The following ABCG8 variants were observed in gnomAD, a reference collection of about 807,000 sequenced individuals.
The protein encoded by ABCG8 is ATP-binding cassette sub-family G member 8.
A neutral mutation model predicts 71.3 loss-of-function variants in ABCG8; 81 were observed. The ratio of observed to expected loss-of-function variants is 1.14; its 90% CI spans 0.95 to 1.37. The LOEUF (loss-of-function observed/expected upper bound fraction) is 1.37. Among genes scored for constraint, ABCG8 ranks in the 40% most tolerant of loss-of-function variants. The pLI, the probability that ABCG8 is intolerant of heterozygous loss-of-function variation, is 0.00. For missense variants in ABCG8, 1,119 were observed against 866.2 expected (o/e 1.29, Z -3.66); for synonymous variants, 451 against 354.7 (o/e 1.27, Z -3.05).
rs558635043 is a variant in ABCG8, at chr2:43,875,225, C to T, written c.1568C>T (p.Pro523Leu). 564 of 1,614,250 alleles carry T rather than the reference C, an allele frequency of 3.5e-4. 3 individuals are homozygous for T. The South Asian group carries it at 5.8e-3, about 17-fold the overall frequency. The change falls in exon 11 of 13, where the codon CCA becomes CTA. Residue 523 changes from proline (P) to leucine (L), a missense_variant. By Grantham distance (98) the Pro-to-Leu change is moderately conservative. Transcript: ENST00000272286. ...MPTYWLANLRPGLQPFLLHFL... is the reference protein window; with the variant it reads ...MPTYWLANLRLGLQPFLLHFL... ...ACCTACTGGCTGGCCAACCTGAGGCCAGGCCTCCAGCCCTTCCTGCTGCAC... is the reference window on the plus strand; with the variant it reads ...ACCTACTGGCTGGCCAACCTGAGGCTAGGCCTCCAGCCCTTCCTGCTGCAC...
At chr2:43,854,055 G>A (rs1368442349) in intron 6 of ABCG8, among the ~76,000 whole-genome samples, 1 of 152,230 alleles carries the variant, frequency 6.6e-6, no homozygotes, top group Non-Finnish European at 1.5e-5. Context: ...TGGCCATCGG[G>A]GAATAATTTA....
At chr2:43,875,474 C>T in intron 11 of ABCG8, 61 bp downstream of exon 11, 2 of 1,569,748 alleles carry the variant, frequency 1.3e-6, no homozygotes, top group South Asian at 1.2e-5. Context: ...TGGATGAAGC[C>T]TGCTTTCATC....
At chr2:43,839,847 C>G (rs1321148013) in intron 1 of ABCG8, among the ~76,000 whole-genome samples, 1 of 152,144 alleles carries the variant, frequency 6.6e-6, no homozygotes, top group East Asian at 1.9e-4. Flanking sequence ...ATGGGTGAGA[C>G]AGGGTGACAG....
intron 6 of ABCG8, among the ~76,000 whole-genome samples, chr2:43,867,106 A>G (rs1019638194): frequency 6.6e-6 from 1 of 151,252 alleles, no homozygotes; most frequent in Non-Finnish European, 1.5e-5. Flanking sequence ...ACAAAAAACC[A>G]AACACCGCAT....
Position 43,872,306 on chromosome 2 carries a change from G to T in ABCG8, c.1211G>T (p.Arg404Leu). Residue 404 changes from arginine (R) to leucine (L), a missense_variant and splice_region_variant, in exon 8 of 13, where the codon CGT becomes CTT. Coordinates refer to ENST00000272286, the MANE Select transcript of ABCG8 (RefSeq NM_022437.3). ...GTGCAGCAGTTTACGACGCTGATCC[G>T]GTAATTATCTGTCATTTTATTACTG... ...GAVQQFTTLI[R>L]RQISNDFRDL... is the part of the protein sequence containing the mutation. 1 of 1,613,256 alleles carries T rather than the reference G, an allele frequency of 6.2e-7. No individual in the cohort carries two copies. Among genetic ancestry groups the T allele is most frequent in the Non-Finnish European group, 8.5e-7 (1 of 1,179,728 alleles).
intron 5 of ABCG8, 27 bp downstream of exon 5, chr2:43,852,513 C>T (rs772209366): frequency 1.9e-6 from 3 of 1,613,370 alleles, no homozygotes; most frequent in South Asian, 1.1e-5. Flanking sequence ...CAGATGGGGG[C>T]AGAGGGACCT....
chr2:43,881,012 C>T lies in ABCG8; in HGVS notation c.*3099C>T, dbSNP rs1213334094. On this transcript the variant is annotated 3_prime_UTR_variant, in exon 13 of 13. Transcript: ENST00000272286. ...CCCCACCTCCTTGTCACTGTGGTCCCCTAATGGCGTTAGGCCTGAATGAAG... is the reference window on the plus strand; with the variant it reads ...CCCCACCTCCTTGTCACTGTGGTCCTCTAATGGCGTTAGGCCTGAATGAAG... 6.6e-6 allele frequency: 1 copy of T among 152,294 alleles called. No individual in the cohort carries two copies. The highest frequency in any genetic ancestry group is 6.5e-5 in the Admixed American group (1 of 15,286). 9.4% of individuals were successfully genotyped at this position (152,294 alleles called of 1,614,324 possible).
intron 6 of ABCG8, among the ~76,000 whole-genome samples, chr2:43,857,242 C>T (rs1219839893): frequency 2.0e-5 from 3 of 151,640 alleles, no homozygotes; most frequent in African/African-American, 4.8e-5. Flanking sequence ...ATAGAATTCT[C>T]ACCATCTGGA....
chr2:43,869,120 T>G (rs6544716), intron 6 of ABCG8, among the ~76,000 whole-genome samples: 121,419 of 151,510 alleles, frequency 0.8, 48,981 homozygotes, highest in East Asian at 0.99. Flanking sequence ...TATCTGGATA[T>G]AATTCTCACT....
chr2:43,872,003 G>A lies in ABCG8; in HGVS notation c.992G>A (p.Ser331Asn), dbSNP rs751950437. 3.1e-6 allele frequency: 5 copies of A among 1,613,980 alleles called. No homozygotes were observed. The highest frequency in any genetic ancestry group is 4.2e-6 in the Non-Finnish European group (5 of 1,180,050). Residue 331 changes from serine to asparagine, a missense_variant, in exon 7 of 13, where the codon AGC (serine) becomes AAC (asparagine). Transcript: ENST00000272286. ...YVDLTSIDRR[S>N]REQELATREK... ...GACCTGACCAGCATTGACAGGCGCA[G>A]CAGAGAGCAGGAATTGGCCACCAGG...
intron 6 of ABCG8, among the ~76,000 whole-genome samples, chr2:43,867,917 G>A (rs1222277970): frequency 6.6e-6 from 1 of 150,952 alleles, no homozygotes; most frequent in Non-Finnish European, 1.5e-5. Context: ...CTGACTCGCT[G>A]GATAAAACTC....
At chr2:43,845,935 C>A (rs1668729369) in intron 2 of ABCG8, among the ~76,000 whole-genome samples, 1 of 152,150 alleles carries the variant, frequency 6.6e-6, no homozygotes, top group Non-Finnish European at 1.5e-5. Flanking sequence ...ACATGCTTTT[C>A]ATTCTTCTTA....
At position 43,882,812 on chromosome 2, in the gene ABCG8, G is replaced by A. The variant is rs949933864; in HGVS notation, c.*4899G>A. The A allele has an allele frequency of 6.6e-6, 1 of 152,158 alleles. No homozygotes were observed. The highest frequency in any genetic ancestry group is 6.5e-5 in the Admixed American group (1 of 15,280). The allele number at this position is 152,158 out of a possible 1,614,324, so 9.4% of individuals were successfully genotyped here. A position where few individuals can be genotyped will look rare whatever the true frequency, so the allele number is the denominator to read the frequency against. The stretch of plus-strand genomic sequence containing the variant: ...ATAATTAAAACAACGTTTAAGCAGT[G>A]GGTTGAGATTTTTAAACACAAACCA... On this transcript the variant is annotated 3_prime_UTR_variant, in exon 13 of 13. Transcript: ENST00000272286.
intron 6 of ABCG8, among the ~76,000 whole-genome samples, chr2:43,860,994 A>G (rs1485977090): frequency 7.0e-6 from 1 of 142,816 alleles, no homozygotes; most frequent in African/African-American, 2.6e-5. Flanking sequence ...CACTATCCGG[A>G]TAGAATTCTC....
rs1371828524 is a variant in ABCG8, at chr2:43,882,898, C to T, written c.*4985C>T. Reference sequence around the variant, plus strand: ...GCTCACATCATTTGTATGATTGTCTCGTCTCTTTAAAATTGGAAATATTCT... The same window carrying T: ...GCTCACATCATTTGTATGATTGTCTTGTCTCTTTAAAATTGGAAATATTCT... On this transcript the variant is annotated 3_prime_UTR_variant, in exon 13 of 13. Transcript: ENST00000272286. 4 of 152,220 alleles carry T rather than the reference C, an allele frequency of 2.6e-5. No individual in the cohort carries two copies. Among genetic ancestry groups the T allele is most frequent in the Admixed American group, 6.5e-5 (1 of 15,270 alleles). 9.4% of individuals were successfully genotyped at this position (152,220 alleles called of 1,614,324 possible). A position where few individuals can be genotyped will look rare whatever the true frequency, so the allele number is the denominator to read the frequency against.
Position 43,880,663 on chromosome 2 carries a change from T to TGCGCGC in ABCG8, c.*2761_*2766dup, listed in dbSNP as rs767410900. ...CAGAGTTAGGGAGTGTGTGTGTGTG[T>TGCGCGC]GCGCGCGCGCGCGCGCATGTGCATA... On this transcript the variant is annotated 3_prime_UTR_variant, in exon 13 of 13. Coordinates refer to ENST00000272286, the MANE Select transcript of ABCG8 (RefSeq NM_022437.3). 2.0e-5 allele frequency: 3 copies of TGCGCGC among 151,880 alleles called. No homozygotes were observed. Among genetic ancestry groups the TGCGCGC allele is most frequent in the African/African-American group, 4.8e-5 (2 of 41,408 alleles). 9.4% of individuals were successfully genotyped at this position (151,880 alleles called of 1,614,324 possible). A position where few individuals can be genotyped will look rare whatever the true frequency, so the allele number is the denominator to read the frequency against.
chr2:43,844,410 T>C, intron 1 of ABCG8, 97 bp from the exon 2 acceptor site: 3 of 933,896 alleles, frequency 3.2e-6, no homozygotes, highest in Admixed American at 2.0e-5. Flanking sequence ...CCACGTCGGC[T>C]CTAAGAAGTT....
chr2:43,856,065 G>C (rs1669094599), intron 6 of ABCG8, among the ~76,000 whole-genome samples: 1 of 151,704 alleles, frequency 6.6e-6, no homozygotes, highest in Non-Finnish European at 1.5e-5. Flanking sequence ...TAGCTTGCTA[G>C]AATTCTCACC....
In ABCG8 at chr2:43,875,321, C is replaced by T. The variant is rs1214585539; in HGVS notation, c.1664C>T (p.Thr555Ile). The part of the protein sequence containing the change: ...MALAAAALLP[T>I]FHMASFFSNA... ...CTGGCCGCCGCGGCCCTGCTCCCCACCTTCCACATGGCCTCCTTCTTCAGC... is the reference window on the plus strand; with the variant it reads ...CTGGCCGCCGCGGCCCTGCTCCCCATCTTCCACATGGCCTCCTTCTTCAGC... Residue 555 changes from threonine to isoleucine, a missense_variant, in exon 11 of 13, where the codon ACC becomes ATC. Physicochemically the swap from Thr to Ile is moderately conservative, Grantham distance 89. Coordinates refer to ENST00000272286, the MANE Select transcript of ABCG8 (RefSeq NM_022437.3). The T allele has an allele frequency of 6.2e-7, 1 of 1,614,066 alleles. No homozygotes were observed. Among genetic ancestry groups the T allele is most frequent in the African/African-American group, 1.3e-5 (1 of 74,938 alleles).
Sources: allele counts gnomAD v4.1 joint callset (sites outside exome capture counted in the v4.1 genomes callset), GRCh38; gene constraint gnomAD v4.1.1; transcripts MANE v1.5; gene names NCBI Gene and HGNC (gene_info 2026-07-23, HGNC 2026-07-21).